The following CSMD1 variants were observed in gnomAD, a reference collection of about 807,000 sequenced individuals.
The protein encoded by CSMD1 is CUB and sushi domain-containing protein 1.
A neutral mutation model predicts 417.5 loss-of-function variants in CSMD1; 213 were observed. The observed-to-expected ratio is 0.51, with a 90% CI of 0.46 to 0.57. The LOEUF is 0.57. Among genes scored for constraint, CSMD1 ranks in the 20% least tolerant of loss-of-function variants. The pLI is 0.00. For synonymous variants in CSMD1, 2,862 were observed against 1,736.8 expected (o/e 1.65, Z -16.11); for missense variants, 6,923 against 4,529.7 (o/e 1.53, Z -15.17).
At chr8:4,429,035 A>G (rs996422625) in intron 2 of CSMD1, among the ~76,000 whole-genome samples, 3 of 152,136 alleles carry the variant, frequency 2.0e-5, no homozygotes, top group Middle Eastern at 3.4e-3. Flanking sequence ...TATTTTTTTA[A>G]TAAGAGTTTT....
chr8:3,312,637 A>T (rs941480103), intron 23 of CSMD1, among the ~76,000 whole-genome samples: 1 of 152,178 alleles, frequency 6.6e-6, no homozygotes, highest in Non-Finnish European at 1.5e-5. Context: ...CACAGCCATC[A>T]ATACCTTGAA....
chr8:4,063,764 A>C (rs746267018), intron 3 of CSMD1, among the ~76,000 whole-genome samples: 2 of 152,154 alleles, frequency 1.3e-5, no homozygotes, highest in Non-Finnish European at 2.9e-5. Context: ...TCTAAATTTC[A>C]TATCTACTTC....
Position 3,940,573 on chromosome 8 carries a change from G to A in CSMD1, c.818+57330C>T, listed in dbSNP as rs2627523. The stretch of plus-strand genomic sequence containing the variant: ...CATAGGTTTCTTTGTGTGGATATAG[G>A]TATTCAAGAACAACAACAAAAAAGA... On this transcript the variant is annotated intron_variant, in intron 5 of 69. Transcript: ENST00000635120. Among the ~76,000 whole-genome samples, 1,236 of 149,060 alleles carry A rather than the reference G, an allele frequency of 8.3e-3. 49 individuals carry two copies. In the East Asian group the frequency reaches 0.11, roughly 13 times the overall value.
In CSMD1 at chr8:3,928,887, G is replaced by T. The variant is rs186237947; in HGVS notation, c.818+69016C>A. 1.9e-4 allele frequency among the ~76,000 whole-genome samples: 27 copies of T among 145,170 alleles called. 1 individual carries two copies. Among genetic ancestry groups the T allele is most frequent in the African/African-American group, 6.4e-4 (25 of 39,048 alleles). On this transcript the variant is annotated intron_variant, in intron 5 of 69. Coordinates refer to ENST00000635120, the MANE Select transcript of CSMD1 (RefSeq NM_033225.6). ...AAATGTCATGGAGCTTTCCACTGTT[G>T]CTTATCAGTGATCTTTCTTTTCGTA...
chr8:4,494,293 G>A (rs1801869387), intron 2 of CSMD1, among the ~76,000 whole-genome samples: 1 of 152,152 alleles, frequency 6.6e-6, no homozygotes, highest in African/African-American at 2.4e-5. Flanking sequence ...AACTTTCATA[G>A]ACAAAACATG....
intron 3 of CSMD1, among the ~76,000 whole-genome samples, chr8:4,294,325 G>T (rs1044903272): frequency 6.6e-6 from 1 of 152,130 alleles, no homozygotes; most frequent in Non-Finnish European, 1.5e-5. Flanking sequence ...TACGTGCACT[G>T]ACGGTTTTCA....
chr8:4,319,095 C>G (rs1180112191), intron 3 of CSMD1, among the ~76,000 whole-genome samples: 1 of 152,114 alleles, frequency 6.6e-6, no homozygotes, highest in Non-Finnish European at 1.5e-5. Context: ...CATATACATG[C>G]ACATAGTAAC....
intron 2 of CSMD1, among the ~76,000 whole-genome samples, chr8:4,568,485 G>A (rs1288867845): frequency 1.3e-5 from 2 of 152,126 alleles, no homozygotes; most frequent in Non-Finnish European, 2.9e-5. Context: ...ATTCCATGGT[G>A]TATATATGCC....
chr8:3,651,125 T>G (rs760191038), intron 7 of CSMD1, among the ~76,000 whole-genome samples: 6 of 152,236 alleles, frequency 3.9e-5, no homozygotes, highest in Non-Finnish European at 5.9e-5. Flanking sequence ...GTATCTTGTC[T>G]TGATTACAGC....
At chr8:3,666,675 G>T (rs1457926991) in intron 7 of CSMD1, among the ~76,000 whole-genome samples, 2 of 152,142 alleles carry the variant, frequency 1.3e-5, no homozygotes, top group Admixed American at 6.5e-5. Context: ...TGTTCTCATG[G>T]TAGTGAATAA....
intron 7 of CSMD1, among the ~76,000 whole-genome samples, chr8:3,674,766 T>A (rs1799286037): frequency 6.6e-6 from 1 of 152,086 alleles, no homozygotes; most frequent in Non-Finnish European, 1.5e-5. Flanking sequence ...CTTCAAAAAA[T>A]GAAAGGTAAC....
At chr8:4,252,996 CAA>C (rs1460022409) in intron 3 of CSMD1, among the ~76,000 whole-genome samples, 1 of 152,176 alleles carries the variant, frequency 6.6e-6, no homozygotes, top group Non-Finnish European at 1.5e-5. Context: ...GTTTTAAAGC[CAA>C]TGTCGGATTA....
intron 2 of CSMD1, among the ~76,000 whole-genome samples, chr8:4,540,597 C>T (rs759568978): frequency 5.7e-4 from 86 of 152,060 alleles, no homozygotes; most frequent in Non-Finnish European, 1.1e-3. Flanking sequence ...ATAATAAGCA[C>T]TATAACAGAA....
At chr8:3,833,847 T>A (rs957856353) in intron 5 of CSMD1, among the ~76,000 whole-genome samples, 5 of 152,152 alleles carry the variant, frequency 3.3e-5, no homozygotes, top group Admixed American at 1.3e-4. Flanking sequence ...ACGTTTTTCT[T>A]TAACTCCCAA....
intron 3 of CSMD1, among the ~76,000 whole-genome samples, chr8:4,311,838 G>A (rs1384935487): frequency 1.3e-5 from 2 of 152,014 alleles, no homozygotes; most frequent in African/African-American, 2.4e-5. Context: ...AAGGAGAGGA[G>A]CGGAAAAGAT....
At chr8:4,990,104 G>A (rs929999350) in intron 1 of CSMD1, among the ~76,000 whole-genome samples, 1 of 152,140 alleles carries the variant, frequency 6.6e-6, no homozygotes, top group African/African-American at 2.4e-5. Flanking sequence ...CTACCACCCT[G>A]CACTACTTGC....
chr8:4,969,943 C>T (rs949034318), intron 1 of CSMD1, among the ~76,000 whole-genome samples: 1 of 152,032 alleles, frequency 6.6e-6, no homozygotes, highest in Non-Finnish European at 1.5e-5. Context: ...AAACTGGATG[C>T]AAACATGAAA....
At chr8:3,260,220 A>G (rs558610500) in intron 26 of CSMD1, among the ~76,000 whole-genome samples, 2 of 152,264 alleles carry the variant, frequency 1.3e-5, no homozygotes, top group East Asian at 3.9e-4. Context: ...TGAACTCTTT[A>G]TGCATATAAC....
rs558908912 is a variant in CSMD1 at position 3,454,221 on chromosome 8, G to A, written c.1561+14491C>T. On this transcript the variant is annotated intron_variant, in intron 12 of 69. Transcript: ENST00000635120. ...CTATGTGTGTCTCTGCACGTTAGAT[G>A]GGTCTCCTGAATATAGCACACTGAT... Among the ~76,000 whole-genome samples, 7 of 152,232 alleles carry A rather than the reference G, an allele frequency of 4.6e-5. No individual in the cohort carries two copies. In the South Asian group the frequency reaches 1.5e-3, roughly 32 times the overall value.
Sources: gnomAD v4.1 joint callset for allele counts (sites outside exome capture counted in the v4.1 genomes callset) on GRCh38, gnomAD v4.1.1 for gene constraint, MANE v1.5 for transcripts, NCBI Gene and HGNC (gene_info 2026-07-23, HGNC 2026-07-21) for gene names.